Variants in GRB14 observed in about 807,000 individuals in gnomAD.
The protein encoded by GRB14 is growth factor receptor bound protein 14.
In GRB14, 38 loss-of-function variants were observed where a neutral mutation model predicts 69.1. The observed-to-expected ratio is 0.55, with a 90% CI of 0.42 to 0.72. GRB14 has a LOEUF of 0.72. Ranked by LOEUF, GRB14 falls within the 30% of genes least tolerant of loss-of-function variation. The probability of loss-of-function intolerance (pLI) is 0.00; values close to 1 mark genes in which losing one functional copy is unlikely to be tolerated. For synonymous variants in GRB14, 247 were observed against 241.3 expected (o/e 1.02, Z -0.22); for missense variants, 666 against 666.1 (o/e 1.00, Z 0.00).
chr2:164,593,241 A>G (rs13025322), intron 2 of GRB14, among the ~76,000 whole-genome samples: 30,469 of 152,194 alleles, frequency 0.2, 3,711 homozygotes, highest in African/African-American at 0.34. Context: ...ATATGAGAAC[A>G]GGAGCAAGAC....
chr2:164,508,870 T>G lies in GRB14; in HGVS notation c.817-18A>C. On this transcript the variant is annotated intron_variant, in intron 6 of 13. Coordinates refer to ENST00000263915, the MANE Select transcript of GRB14 (RefSeq NM_004490.3). ...CGCGGTTCCTTAAAAAAAAAAGTAT[T>G]GACATGGATACATATTTTTGCATTA... The G allele has an allele frequency of 2.7e-6, 4 of 1,480,414 alleles. No individual in the cohort carries two copies. Among genetic ancestry groups the G allele is most frequent in the Non-Finnish European group, 9.2e-7 (1 of 1,088,082 alleles). 91.7% of individuals were successfully genotyped at this position (1,480,414 alleles called of 1,614,324 possible). A position where few individuals can be genotyped will look rare whatever the true frequency, so the allele number is the denominator to read the frequency against.
intron 3 of GRB14, among the ~76,000 whole-genome samples, chr2:164,538,821 G>A (rs1559041110): frequency 6.6e-6 from 1 of 152,114 alleles, no homozygotes; most frequent in Non-Finnish European, 1.5e-5. Flanking sequence ...CTCTCGCTCA[G>A]CCAAAATAAA....
At chr2:164,510,763 G>A (rs889296044) in intron 6 of GRB14, among the ~76,000 whole-genome samples, 1 of 152,180 alleles carries the variant, frequency 6.6e-6, no homozygotes, top group African/African-American at 2.4e-5. Flanking sequence ...CAGTCCTGGT[G>A]CATTCACCAC....
At chr2:164,530,393 C>T (rs1290501897) in intron 3 of GRB14, among the ~76,000 whole-genome samples, 2 of 152,086 alleles carry the variant, frequency 1.3e-5, no homozygotes, top group South Asian at 2.1e-4. Context: ...ACTAGGCCCA[C>T]CTCCAACACT....
At chr2:164,618,070 G>A (rs956268829) in intron 2 of GRB14, among the ~76,000 whole-genome samples, 5 of 151,718 alleles carry the variant, frequency 3.3e-5, no homozygotes, top group African/African-American at 4.8e-5. Context: ...GGGTTCAAGC[G>A]ATTCTCCTGC....
chr2:164,549,385 G>A (rs1036106225), intron 2 of GRB14, among the ~76,000 whole-genome samples: 3 of 152,046 alleles, frequency 2.0e-5, no homozygotes, highest in Non-Finnish European at 4.4e-5. Flanking sequence ...TCCTTATACA[G>A]TGTCTTCTAC....
chr2:164,502,280 C>CA lies in GRB14; in HGVS notation c.1078dup (p.Cys360LeufsTer35). On this transcript the variant is annotated frameshift_variant, in exon 9 of 14. Coordinates refer to ENST00000263915, the MANE Select transcript of GRB14 (RefSeq NM_004490.3). LOFTEE classifies it high-confidence loss of function. ...CATAGGTGATATGCTCTGTGAACTG[C>CA]AGCCACTTCTACCTTGATATGGATG... 6.2e-7 allele frequency: 1 copy of CA among 1,604,264 alleles called. No homozygotes were observed. Among genetic ancestry groups the CA allele is most frequent in the Non-Finnish European group, 8.5e-7 (1 of 1,171,756 alleles).
At chr2:164,516,940 C>T (rs1687505588) in intron 6 of GRB14, among the ~76,000 whole-genome samples, 1 of 152,148 alleles carries the variant, frequency 6.6e-6, no homozygotes, top group African/African-American at 2.4e-5. Flanking sequence ...AGAAGAATCA[C>T]TTGAACCCAG....
chr2:164,607,820 G>A (rs558445724), intron 2 of GRB14, among the ~76,000 whole-genome samples: 3 of 152,262 alleles, frequency 2.0e-5, no homozygotes, highest in South Asian at 2.1e-4. Context: ...CGGAAAATGT[G>A]TTAATTTTAT....
At chr2:164,512,393 C>T (rs1314180965) in intron 6 of GRB14, among the ~76,000 whole-genome samples, 2 of 152,168 alleles carry the variant, frequency 1.3e-5, no homozygotes, top group African/African-American at 4.8e-5. Context: ...TCTCTAACTC[C>T]TGACCTCAGG....
chr2:164,597,840 T>C (rs1454905122), intron 2 of GRB14, among the ~76,000 whole-genome samples: 1 of 152,078 alleles, frequency 6.6e-6, no homozygotes, highest in Admixed American at 6.6e-5. Flanking sequence ...CTTCATCCTG[T>C]TCTCTAATGA....
intron 2 of GRB14, 75 bp from the exon 3 acceptor site, chr2:164,547,891 T>G: frequency 7.0e-6 from 7 of 992,948 alleles, no homozygotes; most frequent in Non-Finnish European, 1.0e-5. Flanking sequence ...TGTATATATT[T>G]AAAGTATACA....
chr2:164,518,852 G>A (rs1459446109), intron 6 of GRB14, among the ~76,000 whole-genome samples: 2 of 151,894 alleles, frequency 1.3e-5, no homozygotes, highest in Non-Finnish European at 1.5e-5. Context: ...CCAATAACAA[G>A]CAGTGAGATT....
intron 2 of GRB14, among the ~76,000 whole-genome samples, chr2:164,596,676 T>C (rs1455583116): frequency 1.3e-5 from 2 of 152,154 alleles, no homozygotes; most frequent in African/African-American, 4.8e-5. Context: ...TACTGATAAA[T>C]ACACAAAGAA....
intron 2 of GRB14, among the ~76,000 whole-genome samples, chr2:164,617,493 C>G (rs538154326): frequency 2.0e-5 from 3 of 152,194 alleles, no homozygotes; most frequent in Admixed American, 2.0e-4. Context: ...ACGTCTTACT[C>G]TAGTCTGATG....
intron 2 of GRB14, among the ~76,000 whole-genome samples, chr2:164,614,339 T>C (rs979767153): frequency 6.6e-6 from 1 of 152,324 alleles, no homozygotes; most frequent in African/African-American, 2.4e-5. Context: ...AAATACAATT[T>C]ATGATGTTGT....
At chr2:164,497,549 A>C in intron 9 of GRB14, 59 bp from the exon 10 acceptor site, 2 of 1,105,290 alleles carry the variant, frequency 1.8e-6, no homozygotes, top group Non-Finnish European at 2.7e-6. Flanking sequence ...TCTTTCAAAT[A>C]AATTGAAAGT....
intron 3 of GRB14, among the ~76,000 whole-genome samples, chr2:164,538,618 C>A (rs1688146560): frequency 6.6e-6 from 1 of 152,136 alleles, no homozygotes; most frequent in Admixed American, 6.5e-5. Context: ...TTCAGAGATT[C>A]ATAACAAAAT....
At position 164,492,621 on chromosome 2, in the gene GRB14, T is replaced by G. The variant is rs1373726220; in HGVS notation, c.*415A>C. On this transcript the variant is annotated 3_prime_UTR_variant, in exon 14 of 14. Transcript: ENST00000263915. ...TTTTAATTGATAAGTTATTATCATATTTCTTAACATTAAAAAATAGTATAA... is the reference window on the plus strand; with the variant it reads ...TTTTAATTGATAAGTTATTATCATAGTTCTTAACATTAAAAAATAGTATAA... Among the ~76,000 whole-genome samples, 1 of 152,028 alleles carries G rather than the reference T, an allele frequency of 6.6e-6. No homozygotes were observed. Among genetic ancestry groups the G allele is most frequent in the Non-Finnish European group, 1.5e-5 (1 of 67,950 alleles).
Sources: gnomAD v4.1 joint callset for allele counts (sites outside exome capture counted in the v4.1 genomes callset) on GRCh38, gnomAD v4.1.1 for gene constraint, MANE v1.5 for transcripts, NCBI Gene and HGNC (gene_info 2026-07-23, HGNC 2026-07-21) for gene names.